The following INTS6 variants were observed in gnomAD, a reference collection of about 807,000 sequenced individuals.
INTS6 encodes the protein integrator complex subunit 6, also known as DEAD box protein.
Under a neutral mutation model 104.9 loss-of-function variants are expected in INTS6, and 16 were observed. That is an observed-to-expected ratio of 0.15 (90% CI 0.10 to 0.23). The LOEUF (loss-of-function observed/expected upper bound fraction) is 0.23. Ranked by LOEUF, INTS6 falls within the 10% of genes least tolerant of loss-of-function variation. INTS6 has a pLI of 1.00. For missense variants in INTS6, 584 were observed against 1,062.8 expected (o/e 0.55, Z 6.26); for synonymous variants, 324 against 358.7 (o/e 0.90, Z 1.09).
In INTS6 at chr13:51,430,495, C is replaced by T. The variant is rs894535417; in HGVS notation, c.340-112G>A. On this transcript the variant is annotated intron_variant, in intron 3 of 17. Transcript: ENST00000311234. ...GATCTCCCTTTCTAGTTTCATTTTA[C>T]ATGTAGTATGTACCTGTTTGTACAT... 16 of 704,526 alleles carry T rather than the reference C, an allele frequency of 2.3e-5. No individual in the cohort carries two copies. In the African/African-American group the frequency reaches 2.7e-4, roughly 12 times the overall value. The allele number at this position is 704,526 out of a possible 1,614,324, so 43.6% of individuals were successfully genotyped here.
intron 3 of INTS6, chr13:51,450,549 C>G: frequency 1.0e-6 from 1 of 985,482 alleles, no homozygotes; most frequent in South Asian, 4.7e-5. Flanking sequence ...TGACTGTACT[C>G]CAGTGAAAAA....
chr13:51,452,950 GC>G lies in INTS6; in HGVS notation c.-426del. On this transcript the variant is annotated 5_prime_UTR_variant, in exon 1 of 18. Transcript: ENST00000311234. This position sits in a 1 kb window ranked among gnomAD's most constrained non-coding sequence, Gnocchi z 4.2. ...AGGGGAGTGGGCTGAGGGAAGATTG[GC>G]CCTGGGGCTGTTGGGAGAAGTTTCA... 9.7e-7 allele frequency: 1 copy of G among 1,035,252 alleles called. No homozygotes were observed. The highest frequency in any genetic ancestry group is 1.2e-6 in the Non-Finnish European group (1 of 859,978). The allele number at this position is 1,035,252 out of a possible 1,614,324, so 64.1% of individuals were successfully genotyped here.
At chr13:51,451,620 CG>C (rs762357850) in intron 2 of INTS6, 50 of 156,192 alleles carry the variant, frequency 3.2e-4, no homozygotes, top group South Asian at 5.7e-4. Context: ...TGTGCGCGGC[CG>C]GGCCCGGCTG....
intron 4 of INTS6, among the ~76,000 whole-genome samples, chr13:51,423,946 G>T (rs1165902224): frequency 6.6e-6 from 1 of 151,886 alleles, no homozygotes; most frequent in Non-Finnish European, 1.5e-5. Context: ...AGATTCCCAG[G>T]TCCTTACCCA....
chr13:51,338,393 A>G, the INTS6 span, among the ~76,000 whole-genome samples: 5 of 152,160 alleles, frequency 3.3e-5, no homozygotes, highest in African/African-American at 4.8e-5. Context: ...CTAGCAGCAC[A>G]GTGATTTGTG....
chr13:51,350,762 AG>A (rs2137791375), downstream of INTS6, among the ~76,000 whole-genome samples: 1 of 152,326 alleles, frequency 6.6e-6, no homozygotes, highest in African/African-American at 2.4e-5. Context: ...CACCTCAAAA[AG>A]AAACCCCATA....
chr13:51,437,431 A>G (rs1425503824), intron 3 of INTS6: 1 of 152,116 alleles, frequency 6.6e-6, no homozygotes, highest in Non-Finnish European at 1.5e-5. Context: ...TTCCTTCTAC[A>G]CATCACACTA....
chr13:51,365,765 A>G lies in INTS6; in HGVS notation c.2651T>C (p.Ile884Thr). The G allele has an allele frequency of 6.4e-7, 1 of 1,567,736 alleles. No homozygotes were observed. Among genetic ancestry groups the G allele is most frequent in the South Asian group, 1.1e-5 (1 of 87,318 alleles). The change falls in exon 18 of 18, where the codon ATT becomes ACT. Residue 884 changes from isoleucine to threonine, a missense_variant. Coordinates refer to ENST00000311234, the MANE Select transcript of INTS6 (RefSeq NM_012141.3). The stretch of plus-strand genomic sequence containing the variant: ...TTCTATTTTCTTTTAATTGCTATTA[A>G]TATGGTTGATCTGATTGGCTCTTCG... ...IHRRANQINHINSN is the reference protein window; with the variant it reads ...IHRRANQINHTNSN
At position 51,364,226 on chromosome 13, in the gene INTS6, T is replaced by A; in HGVS notation, c.*1526A>T. On this transcript the variant is annotated 3_prime_UTR_variant, in exon 18 of 18. Coordinates refer to ENST00000311234, the MANE Select transcript of INTS6 (RefSeq NM_012141.3). ...AATACTATATAATATTAAATTCTTC[T>A]TTTTCTTGACAGGGTTTGTCTTCAG... 7.2e-7 allele frequency: 1 copy of A among 1,384,378 alleles called. No individual in the cohort carries two copies. The highest frequency in any genetic ancestry group is 9.8e-7 in the Non-Finnish European group (1 of 1,024,130). The allele number at this position is 1,384,378 out of a possible 1,614,324, so 85.8% of individuals were successfully genotyped here.
At chr13:51,431,136 C>T (rs910863832) in intron 3 of INTS6, among the ~76,000 whole-genome samples, 1 of 152,082 alleles carries the variant, frequency 6.6e-6, no homozygotes, top group African/African-American at 2.4e-5. Context: ...GAGTTCTAGG[C>T]GACACATCTG....
At chr13:51,384,410 T>C (rs968695136) in intron 7 of INTS6, 4 of 285,210 alleles carry the variant, frequency 1.4e-5, no homozygotes, top group Non-Finnish European at 2.8e-5. Flanking sequence ...TCACAAATTG[T>C]GAACAAAATG....
chr13:51,381,995 C>G, intron 10 of INTS6, 34 bp downstream of exon 10: 2 of 1,475,824 alleles, frequency 1.4e-6, no homozygotes, highest in Non-Finnish European at 1.9e-6. Context: ...GTCACTGCGC[C>G]CGGCCAACAA....
chr13:51,363,143 A>C lies in INTS6; in HGVS notation c.*2609T>G, dbSNP rs1482715479. ...AAGCCAATAGCCAATAAAGGTTGAT[A>C]GGTAAAAGAGAGATTCTGATTTTGG... On this transcript the variant is annotated 3_prime_UTR_variant, in exon 18 of 18. Transcript: ENST00000311234. The C allele has an allele frequency of 1.3e-5, 2 of 151,980 alleles. No individual in the cohort carries two copies. The highest frequency in any genetic ancestry group is 2.9e-5 in the Non-Finnish European group (2 of 67,916). 9.4% of individuals were successfully genotyped at this position (151,980 alleles called of 1,614,324 possible).
At chr13:51,418,668 A>C (rs1245817643) in intron 4 of INTS6, among the ~76,000 whole-genome samples, 2 of 152,330 alleles carry the variant, frequency 1.3e-5, no homozygotes, top group Non-Finnish European at 1.5e-5. Flanking sequence ...TTTTTGATTA[A>C]AAAATCAAAA....
At chr13:51,435,881 G>A (rs1957177637) in intron 3 of INTS6, among the ~76,000 whole-genome samples, 2 of 151,842 alleles carry the variant, frequency 1.3e-5, no homozygotes, top group Non-Finnish European at 2.9e-5. Context: ...CACAAACTGG[G>A]TAATAACATA....
At chr13:51,387,323 T>G in intron 7 of INTS6, 63 bp downstream of exon 7, 1 of 1,423,204 alleles carries the variant, frequency 7.0e-7, no homozygotes, top group Non-Finnish European at 9.5e-7. Flanking sequence ...CAACAGAATT[T>G]GAAACTAATA....
chr13:51,348,222 A>T, the INTS6 span: 1 of 1,588,418 alleles, frequency 6.3e-7, no homozygotes, highest in Non-Finnish European at 8.6e-7. Context: ...GGTCAGTTCC[A>T]GGACACTGCA....
At chr13:51,390,017 T>C (rs913448115) in intron 5 of INTS6, among the ~76,000 whole-genome samples, 4 of 152,108 alleles carry the variant, frequency 2.6e-5, no homozygotes, top group African/African-American at 9.6e-5. Context: ...TTAGCTTATG[T>C]AAACACTTGG....
chr13:51,401,250 T>C (rs1443402977), intron 4 of INTS6, among the ~76,000 whole-genome samples: 1 of 152,102 alleles, frequency 6.6e-6, no homozygotes, highest in Non-Finnish European at 1.5e-5. Flanking sequence ...ATGCATTCAC[T>C]CATCATTTTT....
Sources: gnomAD v4.1 joint callset for allele counts (sites outside exome capture counted in the v4.1 genomes callset) on GRCh38, gnomAD v4.1.1 for gene constraint, Gnocchi (gnomAD v3.1) non-coding constraint, MANE v1.5 for transcripts, NCBI Gene and HGNC (gene_info 2026-07-23, HGNC 2026-07-21) for gene names.